The following SDC1 variants were observed in gnomAD, a reference collection of about 807,000 sequenced individuals.
The protein encoded by SDC1 is syndecan-1.
In SDC1, 14 loss-of-function variants were observed where a neutral mutation model predicts 29.7. The observed-to-expected ratio is 0.47, with a 90% CI of 0.31 to 0.74. The LOEUF is 0.74. Ranked by LOEUF, SDC1 falls within the 30% of genes least tolerant of loss-of-function variation. SDC1 has a pLI of 0.05. For missense variants in SDC1, 406 were observed against 400.3 expected, an observed-to-expected ratio of 1.01 and a Z score of -0.12; for synonymous variants, 204 against 175.5, an observed-to-expected ratio of 1.16 and a Z score of -1.29.
At chr2:20,209,342 A>C (rs1270814265) in intron 1 of SDC1, among the ~76,000 whole-genome samples, 1 of 152,052 alleles carries the variant, frequency 6.6e-6, no homozygotes, top group Non-Finnish European at 1.5e-5. Context: ...CAGACACTAC[A>C]ACTCCCCGTG....
rs1677012289 is a variant in SDC1 at position 20,201,642 on chromosome 2, A to T, written c.*1124T>A. ...AGCCCAGGGCCCAGGGTGGGGCCAC[A>T]GGAGCTAACGGAGAACCTGGCCTTG... On this transcript the variant is annotated 3_prime_UTR_variant, in exon 5 of 5. Coordinates refer to ENST00000254351, the MANE Select transcript of SDC1 (RefSeq NM_002997.5). 1 of 152,716 alleles carries T rather than the reference A, an allele frequency of 6.5e-6. No individual in the cohort carries two copies. The highest frequency in any genetic ancestry group is 1.5e-5 in the Non-Finnish European group (1 of 68,078). 9.5% of individuals were successfully genotyped at this position (152,716 alleles called of 1,614,324 possible).
intron 1 of SDC1, among the ~76,000 whole-genome samples, chr2:20,206,379 G>T (rs1156432300): frequency 6.6e-6 from 1 of 152,218 alleles, no homozygotes; most frequent in Non-Finnish European, 1.5e-5. Flanking sequence ...GGGGGCGGGG[G>T]CGGGGAGGCA....
At chr2:20,207,897 CA>C (rs1164060055) in intron 1 of SDC1, 15 of 966,290 alleles carry the variant, frequency 1.6e-5, no homozygotes, top group African/African-American at 1.8e-5. Flanking sequence ...ACCGGGGGAT[CA>C]CAGAGTGGGC....
intron 1 of SDC1, among the ~76,000 whole-genome samples, chr2:20,206,677 C>A (rs1375380684): frequency 6.6e-6 from 1 of 152,208 alleles, no homozygotes; most frequent in East Asian, 1.9e-4. Context: ...AGAGCACTAG[C>A]TTTAGGAACT....
rs981307308 is a variant in SDC1, at chr2:20,224,616, C to A, written c.66+186G>T. ...AGCGCGGGACCGGTGCGGCACCCAC[C>A]GACAGCGGAGGAAATTGGGGCTGGA... is the stretch of plus-strand genomic sequence containing the variant. On this transcript the variant is annotated intron_variant, in intron 1 of 4. Transcript: ENST00000254351. The surrounding 1 kb of genome is among the most constrained non-coding windows in gnomAD (Gnocchi z 4.9). Among the ~76,000 whole-genome samples, 2 of 151,858 alleles carry A rather than the reference C, an allele frequency of 1.3e-5. No homozygotes were observed. Among genetic ancestry groups the A allele is most frequent in the African/African-American group, 4.8e-5 (2 of 41,398 alleles).
chr2:20,206,415 GC>G (rs1343368567), intron 1 of SDC1, among the ~76,000 whole-genome samples: 1 of 152,226 alleles, frequency 6.6e-6, no homozygotes, highest in Non-Finnish European at 1.5e-5. Flanking sequence ...CAGTGAGCAG[GC>G]CTGTGCAGAA....
At chr2:20,205,972 G>C (rs1381957845) in intron 1 of SDC1, among the ~76,000 whole-genome samples, 1 of 152,198 alleles carries the variant, frequency 6.6e-6, no homozygotes, top group Admixed American at 6.5e-5. Context: ...ACGGCACAAG[G>C]GGCAGGGGCA....
In SDC1 at chr2:20,213,286, A is replaced by C. The variant is rs914159712; in HGVS notation, c.67-7862T>G. 2.0e-5 allele frequency among the ~76,000 whole-genome samples: 3 copies of C among 152,082 alleles called. No individual in the cohort carries two copies. In the East Asian group the frequency reaches 5.8e-4, roughly 29 times the overall value. On this transcript the variant is annotated intron_variant, in intron 1 of 4. Transcript: ENST00000254351. ...GTTCCTCTGCTTTCCCCCCCTGGCA[A>C]AACCCGGGCCAGGCCAGGCAGGGCA...
intron 1 of SDC1, among the ~76,000 whole-genome samples, chr2:20,218,647 AC>A (rs1677712233): frequency 2.0e-5 from 3 of 151,726 alleles, no homozygotes; most frequent in African/African-American, 7.3e-5. Flanking sequence ...ACAGACACAC[AC>A]ACACACAGAG....
At chr2:20,204,512 G>A (rs759177696) in intron 2 of SDC1, among the ~76,000 whole-genome samples, 1 of 152,040 alleles carries the variant, frequency 6.6e-6, no homozygotes, top group East Asian at 1.9e-4. Context: ...GTGCAGCCTG[G>A]TCTCTGGAGC....
rs376456958 is a variant in SDC1 at position 20,201,113 on chromosome 2, G to A, written c.*1653C>T. On this transcript the variant is annotated 3_prime_UTR_variant, in exon 5 of 5. Coordinates refer to ENST00000254351, the MANE Select transcript of SDC1 (RefSeq NM_002997.5). ...CTGGGGGCCTCTGGCCTCTGCAGCC[G>A]GGTGGGAGGAGGATGTCCAAGGTGT... The A allele has an allele frequency of 4.4e-3, 673 of 152,422 alleles. 2 individuals are homozygous for A. The highest frequency in any genetic ancestry group is 5.7e-3 in the Non-Finnish European group (388 of 68,106). 9.4% of individuals were successfully genotyped at this position (152,422 alleles called of 1,614,324 possible).
At position 20,221,002 on chromosome 2, in the gene SDC1, G is replaced by A. The variant is rs550524767; in HGVS notation, c.66+3800C>T. Among the ~76,000 whole-genome samples the A allele has an allele frequency of 2.0e-5, 3 of 152,300 alleles. No individual in the cohort carries two copies. In the East Asian group the frequency reaches 5.8e-4, roughly 29 times the overall value. The stretch of plus-strand genomic sequence containing the variant: ...AACCAGGTCGAGGAACTTGGAACAT[G>A]GGGGTCAGCAAGCACTTCCCCCAAG... On this transcript the variant is annotated intron_variant, in intron 1 of 4. Transcript: ENST00000254351.
rs529890419 is a variant in SDC1 at position 20,205,316 on chromosome 2, T to TG, written c.148+26dup. On this transcript the variant is annotated intron_variant, in intron 2 of 4. Transcript: ENST00000254351. Reference sequence around the variant, plus strand: ...AGGCATGACCTGTTGCCGTCTTGGGTGGGGGGGGCCCCCATGACAACCTCA... The same window carrying TG: ...AGGCATGACCTGTTGCCGTCTTGGGTGGGGGGGGGCCCCCATGACAACCTCA... 1.2e-3 allele frequency: 1,898 copies of TG among 1,544,352 alleles called. 5 individuals carry two copies. The highest frequency in any genetic ancestry group is 5.6e-3 in the African/African-American group (409 of 73,596).
chr2:20,202,391 C>T lies in SDC1; in HGVS notation c.*375G>A, dbSNP rs1348266096. 32 of 706,274 alleles carry T rather than the reference C, an allele frequency of 4.5e-5. No homozygotes were observed. Among genetic ancestry groups the T allele is most frequent in the Middle Eastern group, 2.5e-4 (1 of 4,006 alleles). 43.8% of individuals were successfully genotyped at this position (706,274 alleles called of 1,614,324 possible). A position where few individuals can be genotyped will look rare whatever the true frequency, so the allele number is the denominator to read the frequency against. ...AGGTGTGTGAGCCCCAAGCCCCACC[C>T]GCAGGATCTTCCAGCCACATGAGGC... On this transcript the variant is annotated 3_prime_UTR_variant, in exon 5 of 5. Transcript: ENST00000254351.
At chr2:20,207,746 T>C (rs1024042481) in intron 1 of SDC1, among the ~76,000 whole-genome samples, 1 of 148,662 alleles carries the variant, frequency 6.7e-6, no homozygotes, top group Non-Finnish European at 1.5e-5. Context: ...TGGTCCATGC[T>C]CCCCCCGCCT....
At chr2:20,204,332 T>TG in intron 2 of SDC1, 41 bp from the exon 3 acceptor site, 1 of 426,004 alleles carries the variant, frequency 2.3e-6, no homozygotes, top group South Asian at 2.6e-5. Context: ...AGGTGGGGGG[T>TG]GGGGAGGACC....
In SDC1 at chr2:20,224,858, C is replaced by T; in HGVS notation, c.10G>A (p.Ala4Thr). 8.0e-7 allele frequency: 1 copy of T among 1,251,816 alleles called. No individual in the cohort carries two copies. The highest frequency in any genetic ancestry group is 1.0e-6 in the Non-Finnish European group (1 of 999,862). 77.5% of individuals were successfully genotyped at this position (1,251,816 alleles called of 1,614,324 possible). MRR[A>T]ALWLWLCALA... is the part of the protein sequence containing the mutation. Reference sequence around the variant, plus strand: ...GCGCACAGCCAGAGCCAGAGCGCCGCGCGCCTCATGCTGCCCGGACCGGCG... The same window carrying T: ...GCGCACAGCCAGAGCCAGAGCGCCGTGCGCCTCATGCTGCCCGGACCGGCG... Residue 4 changes from alanine to threonine, a missense_variant, in exon 1 of 5, where the codon GCG (alanine) becomes ACG (threonine). Physicochemically the swap from Ala to Thr is moderately conservative, Grantham distance 58. Coordinates refer to ENST00000254351, the MANE Select transcript of SDC1 (RefSeq NM_002997.5). The surrounding 1 kb of genome is among the most constrained non-coding windows in gnomAD (Gnocchi z 4.9).
At chr2:20,209,723 A>T (rs2015098) in intron 1 of SDC1, among the ~76,000 whole-genome samples, 72,266 of 152,032 alleles carry the variant, frequency 0.48, 18,135 homozygotes, top group Middle Eastern at 0.61. Context: ...AAAGAGGGCC[A>T]CTCTCCTTGG....
chr2:20,208,167 C>T (rs1342254985), intron 1 of SDC1: 2 of 972,670 alleles, frequency 2.1e-6, no homozygotes, highest in Non-Finnish European at 2.4e-6. Context: ...CACACTGGGG[C>T]CCATGTACAA....
Sources: allele counts gnomAD v4.1 joint callset (sites outside exome capture counted in the v4.1 genomes callset), GRCh38; gene constraint gnomAD v4.1.1; non-coding constraint Gnocchi (gnomAD v3.1); transcripts MANE v1.5; gene names NCBI Gene and HGNC (gene_info 2026-07-23, HGNC 2026-07-21).